GGCX: variants seen among roughly 807,000 people sequenced by gnomAD.
GGCX encodes gamma-glutamyl carboxylase, also known as vitamin K-dependent gamma-carboxylase.
Under a neutral mutation model 88.5 loss-of-function variants are expected in GGCX, and 63 were observed. That is an observed-to-expected ratio of 0.71 (90% CI 0.58 to 0.88). GGCX has a LOEUF of 0.88. Among genes scored for constraint, GGCX ranks in the 40% least tolerant of loss-of-function variants. GGCX has a pLI of 0.00. For missense variants in GGCX, 805 were observed against 932.9 expected (o/e 0.86, Z 1.79); for synonymous variants, 368 against 365.8 (o/e 1.01, Z -0.07).
chr2:85,551,726 C>G, intron 11 of GGCX, 86 bp downstream of exon 11: 1 of 1,559,846 alleles, frequency 6.4e-7, no homozygotes, highest in Non-Finnish European at 8.8e-7. Flanking sequence ...AAAAACATTC[C>G]CTCTCCCCTC....
At chr2:85,561,051 C>T in intron 1 of GGCX, 66 bp from the exon 2 acceptor site, 1 of 1,384,028 alleles carries the variant, frequency 7.2e-7, no homozygotes, top group Admixed American at 1.7e-5. Context: ...AAAGAAATCA[C>T]TGCACCAACA....
intron 4 of GGCX, among the ~76,000 whole-genome samples, chr2:85,557,990 G>A (rs1692275007): frequency 6.6e-6 from 1 of 152,028 alleles, no homozygotes; most frequent in African/African-American, 2.4e-5. Flanking sequence ...GAACAGCAAT[G>A]CTGAGCAGCC....
chr2:85,559,213 A>G (rs916113644), intron 2 of GGCX, 138 bp from the exon 3 acceptor site: 13 of 757,148 alleles, frequency 1.7e-5, no homozygotes, highest in Non-Finnish European at 3.0e-5. Context: ...TTCAGTATTA[A>G]TTATTGAGTG....
intron 10 of GGCX, 42 bp from the exon 11 acceptor site, chr2:85,552,023 C>T (rs973467529): frequency 2.0e-6 from 3 of 1,472,452 alleles, no homozygotes; most frequent in African/African-American, 1.4e-5. Flanking sequence ...CACAGCCACC[C>T]ACCCACCAGA....
In GGCX at chr2:85,561,481, G is replaced by T; in HGVS notation, c.-53C>A. On this transcript the variant is annotated 5_prime_UTR_variant, in exon 1 of 15. Transcript: ENST00000233838. ...CAGCTGCCGCGTCTGAACGGAGGCCGCCAGGAGAATTTGCTTCCCTAGGCT... is the reference window on the plus strand; with the variant it reads ...CAGCTGCCGCGTCTGAACGGAGGCCTCCAGGAGAATTTGCTTCCCTAGGCT... The T allele has an allele frequency of 1.4e-6, 2 of 1,389,800 alleles. No homozygotes were observed. Among genetic ancestry groups the T allele is most frequent in the South Asian group, 2.5e-5 (2 of 80,528 alleles). The allele number at this position is 1,389,800 out of a possible 1,614,324, so 86.1% of individuals were successfully genotyped here.
chr2:85,553,800 C>T, intron 7 of GGCX: 1 of 464,254 alleles, frequency 2.2e-6, no homozygotes, highest in Non-Finnish European at 4.0e-6. Flanking sequence ...GGGGTTTCAC[C>T]ATGTTGGTCA....
intron 6 of GGCX, 84 bp downstream of exon 6, chr2:85,555,400 G>A (rs1692166440): frequency 2.6e-6 from 2 of 775,532 alleles, no homozygotes; most frequent in East Asian, 5.0e-5. Context: ...AGGCAAAGTA[G>A]GAACAGGTGC....
intron 8 of GGCX, 63 bp from the exon 9 acceptor site, chr2:85,553,133 A>G: frequency 6.2e-7 from 1 of 1,611,156 alleles, no homozygotes; most frequent in Non-Finnish European, 8.5e-7. Context: ...ATCCCCTACC[A>G]AGAAGGGGCT....
chr2:85,550,551 T>G lies in GGCX; in HGVS notation c.2084+4A>C. 6.2e-7 allele frequency: 1 copy of G among 1,609,204 alleles called. No homozygotes were observed. Among genetic ancestry groups the G allele is most frequent in the Non-Finnish European group, 8.5e-7 (1 of 1,175,462 alleles). On this transcript the variant is annotated splice_donor_region_variant and intron_variant, in intron 14 of 14. Transcript: ENST00000233838. The stretch of plus-strand genomic sequence containing the variant: ...GGCAATGACAAATATTGTTGTGAAC[T>G]TACCTGCGGCGAAAGACATAGAGCT...
chr2:85,552,229 A>C (rs1262561564), intron 10 of GGCX, among the ~76,000 whole-genome samples, 187 bp downstream of exon 10: 2 of 152,136 alleles, frequency 1.3e-5, no homozygotes, highest in African/African-American at 4.8e-5. Flanking sequence ...AAGTCAACTC[A>C]CTTTTCTCCT....
intron 1 of GGCX, 54 bp downstream of exon 1, chr2:85,561,332 C>T (rs1692450665): frequency 4.9e-6 from 6 of 1,215,458 alleles, no homozygotes; most frequent in Non-Finnish European, 7.0e-6. Flanking sequence ...CCCCGCCCCT[C>T]TGAGACCAGC....
chr2:85,550,207 T>C, intron 14 of GGCX, 81 bp from the exon 15 acceptor site: 1 of 981,850 alleles, frequency 1.0e-6, no homozygotes, highest in South Asian at 1.3e-5. Flanking sequence ...AGAAGGCACC[T>C]GGTCCTCACT....
chr2:85,545,375 T>C lies in GGCX; in HGVS notation c.*4559A>G, dbSNP rs890451611. 2.0e-5 allele frequency: 3 copies of C among 152,606 alleles called. No individual in the cohort carries two copies. The highest frequency in any genetic ancestry group is 7.2e-5 in the African/African-American group (3 of 41,450). The allele number at this position is 152,606 out of a possible 1,614,324, so 9.5% of individuals were successfully genotyped here. A position where few individuals can be genotyped will look rare whatever the true frequency, so the allele number is the denominator to read the frequency against. Reference sequence around the variant, plus strand: ...AAAGGCTGAGGTAGGAGGATCACTTTAACATAGAAGTTGGAGGCTGTAGCG... The same window carrying C: ...AAAGGCTGAGGTAGGAGGATCACTTCAACATAGAAGTTGGAGGCTGTAGCG... On this transcript the variant is annotated 3_prime_UTR_variant, in exon 15 of 15. Coordinates refer to ENST00000233838, the MANE Select transcript of GGCX (RefSeq NM_000821.7).
At chr2:85,554,015 T>C (rs1558808736) in intron 7 of GGCX, 128 bp downstream of exon 7, 10 of 780,334 alleles carry the variant, frequency 1.3e-5, no homozygotes, top group South Asian at 9.7e-5. Flanking sequence ...GCCTACTTCA[T>C]AGTGACTGCC....
rs753567391 is a variant in GGCX, at chr2:85,553,481, G to A, written c.906C>T (p.Val302=). The change falls in exon 8 of 15, where the codon GTC becomes GTT. Residue 302 remains valine, a synonymous_variant. Transcript: ENST00000233838. Reference sequence around the variant, plus strand: ...AGAAGAGAGGGCTGCTGGCCAGCATGACGTAGGAGAACATACCTAGGAAAG... The same window carrying A: ...AGAAGAGAGGGCTGCTGGCCAGCATAACGTAGGAGAACATACCTAGGAAAG... The part of the protein sequence containing the change: ...QLFSIGMFSY[V]MLASSPLFCS... The A allele has an allele frequency of 2.5e-6, 4 of 1,613,794 alleles. No homozygotes were observed. In the South Asian group the frequency reaches 4.4e-5, roughly 18 times the overall value.
rs1411733979 is a variant in GGCX, at chr2:85,550,985, C to A, written c.1828G>T (p.Ala610Ser). 6.2e-7 allele frequency: 1 copy of A among 1,613,996 alleles called. No homozygotes were observed. Among genetic ancestry groups the A allele is most frequent in the East Asian group, 2.2e-5 (1 of 44,892 alleles). Residue 610 changes from alanine (A) to serine (S), a missense_variant, in exon 13 of 15, where the codon GCA becomes TCA. Transcript: ENST00000233838. The stretch of plus-strand genomic sequence containing the variant: ...AGATATGCCAGGTCTTGCTCCAGTG[C>A]AAGCTCTGTAGTGTTGACATAGACG... ...MYVYVNTTEL[A>S]LEQDLAYLQE...
rs1333221259 is a variant in GGCX, at chr2:85,545,530, C to T, written c.*4404G>A. The stretch of plus-strand genomic sequence containing the variant: ...CCTTGAATTGTAATCCATAATTAGC[C>T]ATAATTCAGGAAAATAACCTCAATC... On this transcript the variant is annotated 3_prime_UTR_variant, in exon 15 of 15. Coordinates refer to ENST00000233838, the MANE Select transcript of GGCX (RefSeq NM_000821.7). The T allele has an allele frequency of 1.3e-5, 2 of 152,130 alleles. No homozygotes were observed. The highest frequency in any genetic ancestry group is 4.8e-5 in the African/African-American group (2 of 41,418). 9.4% of individuals were successfully genotyped at this position (152,130 alleles called of 1,614,324 possible). A position where few individuals can be genotyped will look rare whatever the true frequency, so the allele number is the denominator to read the frequency against.
chr2:85,561,011 T>G (rs1293976469), intron 1 of GGCX, 26 bp from the exon 2 acceptor site: 1 of 1,585,866 alleles, frequency 6.3e-7, no homozygotes. Context: ...GGAGAAAATA[T>G]GTGTGCGGGG....
chr2:85,560,606 G>GAA (rs11370895), intron 2 of GGCX, among the ~76,000 whole-genome samples: 12 of 137,714 alleles, frequency 8.7e-5, no homozygotes, highest in African/African-American at 2.4e-4. Context: ...TCCGTCTAAG[G>GAA]AAAAAAAAAA....
Sources: gnomAD v4.1 joint callset for allele counts (sites outside exome capture counted in the v4.1 genomes callset) on GRCh38, gnomAD v4.1.1 for gene constraint, MANE v1.5 for transcripts, NCBI Gene and HGNC (gene_info 2026-07-23, HGNC 2026-07-21) for gene names.